The following COL6A1 variants were observed in gnomAD, a reference collection of about 807,000 sequenced individuals.
COL6A1 encodes the protein collagen type VI alpha 1 chain, also known as collagen alpha-1(VI) chain.
Under a neutral mutation model 145.6 loss-of-function variants are expected in COL6A1, and 80 were observed. The ratio of observed to expected loss-of-function variants is 0.55; its 90% CI spans 0.46 to 0.66. The LOEUF (loss-of-function observed/expected upper bound fraction) is 0.66. Ranked by LOEUF, COL6A1 falls within the 30% of genes least tolerant of loss-of-function variation. The pLI is 0.00. For missense variants in COL6A1, 1,364 were observed against 1,473.8 expected, an observed-to-expected ratio of 0.93 and a Z score of 1.22; for synonymous variants, 638 against 622.8, an observed-to-expected ratio of 1.02 and a Z score of -0.36.
rs768906709 is a variant in COL6A1 at position 46,001,259 on chromosome 21, A to C, written c.1829A>C (p.Lys610Thr). ...ACACCGCCCCCGCCTGCAGAATGCA[A>C]GTGCGGCCCCATCGACCTCCTGTTC... is the stretch of plus-strand genomic sequence containing the variant. Reference protein sequence around the residue: ...IMKMCSCCECKCGPIDLLFVL... With the variant: ...IMKMCSCCECTCGPIDLLFVL... Residue 610 changes from lysine to threonine, a missense_variant, in exon 30 of 35, where the codon AAG (lysine) becomes ACG (threonine). Lys to Thr is a moderately conservative substitution (Grantham distance 78). This residue lies in a region of COL6A1 where 938 missense variants were observed against 1,003.8 expected (regional missense o/e 0.93). Transcript: ENST00000361866. 1.2e-5 allele frequency: 19 copies of C among 1,607,978 alleles called. No individual in the cohort carries two copies. In the Admixed American group the frequency reaches 3.2e-4, roughly 27 times the overall value.
chr21:45,995,486 A>G (rs1314393910), intron 20 of COL6A1, among the ~76,000 whole-genome samples: 1 of 152,244 alleles, frequency 6.6e-6, no homozygotes. Flanking sequence ...GGTAGCTGAA[A>G]GTCTCAGTGG....
chr21:45,999,450 A>T, intron 26 of COL6A1: 1 of 748,882 alleles, frequency 1.3e-6, no homozygotes, highest in East Asian at 2.7e-5. Flanking sequence ...GGTGGGGCCC[A>T]CCTGGGATGG....
At chr21:46,000,025 ACCC>A (rs2077833700) in intron 27 of COL6A1, among the ~76,000 whole-genome samples, 2 of 30,950 alleles carry the variant, frequency 6.5e-5, no homozygotes, top group Admixed American at 3.6e-4. Context: ...ATCATGGGGG[ACCC>A]GTGTGAGGAT....
At position 45,987,250 on chromosome 21, in the gene COL6A1, C is replaced by T. The variant is rs1223069750; in HGVS notation, c.738+75C>T. 4.1e-5 allele frequency: 64 copies of T among 1,575,190 alleles called. No individual in the cohort carries two copies. In the South Asian group the frequency reaches 4.3e-4, roughly 11 times the overall value. On this transcript the variant is annotated intron_variant, in intron 6 of 34. Coordinates refer to ENST00000361866, the MANE Select transcript of COL6A1 (RefSeq NM_001848.3). ...CACACGTCCACCTGTGTGTTCAGGA[C>T]GCATGTCCCTATGCATATCCGCCCA... is the stretch of plus-strand genomic sequence containing the variant.
chr21:46,003,937 TC>T lies in COL6A1; in HGVS notation c.3013del (p.Arg1005ValfsTer44). On this transcript the variant is annotated frameshift_variant, in exon 35 of 35. Transcript: ENST00000361866. LOFTEE classifies it high-confidence loss of function. ...GTGGCCTACGGCGAGAGCCACCTGT[TC>T]CGTGTCCCCAGCTACCAGGCCCTGC... ...YDVAYGESHLFRVPSYQALLR... is the reference protein window; with the variant it reads ...YDVAYGESHLXRVPSYQALLR... 1 of 1,611,766 alleles carries T rather than the reference TC, an allele frequency of 6.2e-7. No homozygotes were observed. The highest frequency in any genetic ancestry group is 8.5e-7 in the Non-Finnish European group (1 of 1,179,162).
rs373948031 is a variant in COL6A1, at chr21:45,990,413, C to T, written c.993C>T (p.Asp331=). The part of the protein sequence containing the change: ...EKGKRGIDGV[D]GVKGEMGYPG... ...GCAAGCGTGGCATCGACGGGGTGGA[C>T]GGCGTGAAGGTGACTGGGGGGAGAT... Residue 331 remains aspartate, a synonymous_variant, in exon 13 of 35, where the codon GAC becomes GAT. Transcript: ENST00000361866. 5.9e-5 allele frequency: 63 copies of T among 1,074,032 alleles called. No homozygotes were observed. Among genetic ancestry groups the T allele is most frequent in the African/African-American group, 4.8e-4 (13 of 26,874 alleles). 66.5% of individuals were successfully genotyped at this position (1,074,032 alleles called of 1,614,324 possible).
chr21:45,984,731 CAA>C (rs1293572270), intron 3 of COL6A1, among the ~76,000 whole-genome samples: 36 of 144,490 alleles, frequency 2.5e-4, no homozygotes, highest in Middle Eastern at 8.7e-3. Flanking sequence ...GAGACAGAGA[CAA>C]AGAGTGACAG....
Position 46,002,034 on chromosome 21 carries a change from G to T in COL6A1, c.2030G>T (p.Arg677Leu), listed in dbSNP as rs373731596. Reference sequence around the variant, plus strand: ...CAGATGCAGGAGCACGTGAGCCTGCGCAGCCCCAGCATCCGGAACGTGCAG... The same window carrying T: ...CAGATGCAGGAGCACGTGAGCCTGCTCAGCCCCAGCATCCGGAACGTGCAG... ...HSQMQEHVSL[R>L]SPSIRNVQEL... The change falls in exon 31 of 35, where the codon CGC (arginine) becomes CTC (leucine). Residue 677 changes from arginine (R) to leucine (L), a missense_variant. Transcript: ENST00000361866. 6.2e-6 allele frequency: 10 copies of T among 1,612,388 alleles called. No individual in the cohort carries two copies. The highest frequency in any genetic ancestry group is 6.8e-6 in the Non-Finnish European group (8 of 1,179,810).
At chr21:45,996,604 C>T (rs1462038006) in intron 20 of COL6A1, among the ~76,000 whole-genome samples, 3 of 152,196 alleles carry the variant, frequency 2.0e-5, no homozygotes, top group African/African-American at 7.2e-5. Flanking sequence ...CAGGGACAGG[C>T]GTCCGACCAG....
At chr21:45,988,924 G>A (rs1220646775) in intron 8 of COL6A1, among the ~76,000 whole-genome samples, 160 bp from the exon 9 acceptor site, 4 of 152,182 alleles carry the variant, frequency 2.6e-5, no homozygotes, top group Non-Finnish European at 4.4e-5. Context: ...GTGCGGGTTG[G>A]AGCTCCCAGA....
chr21:45,994,146 T>A lies in COL6A1; in HGVS notation c.1336-21T>A. On this transcript the variant is annotated intron_variant, in intron 19 of 34. Transcript: ENST00000361866. The surrounding 1 kb of genome is among the most constrained non-coding windows in gnomAD (Gnocchi z 6.8). ...CCCCAAGGATGGCCCAGCTCCACACTCACGGCTCGTTTCTCTTCAGGGTGA... is the reference window on the plus strand; with the variant it reads ...CCCCAAGGATGGCCCAGCTCCACACACACGGCTCGTTTCTCTTCAGGGTGA... 3 of 1,587,916 alleles carry A rather than the reference T, an allele frequency of 1.9e-6. No individual in the cohort carries two copies. Among genetic ancestry groups the A allele is most frequent in the Non-Finnish European group, 2.6e-6 (3 of 1,168,048 alleles).
At chr21:45,982,168 G>A (rs1257369850) in intron 1 of COL6A1, among the ~76,000 whole-genome samples, 1 of 152,134 alleles carries the variant, frequency 6.6e-6, no homozygotes, top group African/African-American at 2.4e-5. Context: ...CAGCGGGGCC[G>A]GACCGCAGGC....
At chr21:45,983,596 G>A (rs1166537125) in intron 2 of COL6A1, among the ~76,000 whole-genome samples, 4 of 152,164 alleles carry the variant, frequency 2.6e-5, no homozygotes, top group East Asian at 3.9e-4. Flanking sequence ...GTGCCCAGCA[G>A]GAGCCATTGG....
Position 45,987,643 on chromosome 21 carries a change from C to T in COL6A1, c.793C>T (p.Pro265Ser). The T allele has an allele frequency of 6.2e-7, 1 of 1,610,170 alleles. No individual in the cohort carries two copies. The highest frequency in any genetic ancestry group is 8.5e-7 in the Non-Finnish European group (1 of 1,178,982). The change falls in exon 8 of 35, where the codon CCC becomes TCC. Residue 265 changes from proline to serine, a missense_variant. By Grantham distance (74) the Pro-to-Ser change is moderately conservative. This residue lies in a region of COL6A1 where 414 missense variants were observed against 437.6 expected (regional missense o/e 0.95). Transcript: ENST00000361866. The stretch of plus-strand genomic sequence containing the variant: ...AGGACCTCCGGGGCTCCGGGGCGAC[C>T]CCGGCTTTGAGGTGAGTGGTGACTC... The part of the protein sequence containing the change: ...ARGPPGLRGD[P>S]GFEGERGKPG...
Position 46,003,791 on chromosome 21 carries a change from C to T in COL6A1, c.2865C>T (p.Ile955=), listed in dbSNP as rs138062080. The change falls in exon 35 of 35, where the codon ATC becomes ATT. Residue 955 remains isoleucine (I), a synonymous_variant. Coordinates refer to ENST00000361866, the MANE Select transcript of COL6A1 (RefSeq NM_001848.3). ...GNSQGATPAA[I]EKAVQEAQRA... The stretch of plus-strand genomic sequence containing the variant: ...CGCAGGGCGCCACGCCCGCTGCCAT[C>T]GAGAAGGCCGTGCAGGAAGCCCAGC... The T allele has an allele frequency of 8.0e-4, 1,293 of 1,611,070 alleles. 7 individuals are homozygous for T. Among genetic ancestry groups the T allele is most frequent in the African/African-American group, 1.8e-3 (135 of 75,026 alleles).
intron 15 of COL6A1, 87 bp from the exon 16 acceptor site, chr21:45,991,923 G>C: frequency 7.5e-7 from 1 of 1,326,070 alleles, no homozygotes; most frequent in Non-Finnish European, 1.1e-6. Context: ...CTGAAGTATG[G>C]GTGAGAGGCC....
Position 46,003,744 on chromosome 21 carries a change from C to T in COL6A1, c.2818C>T (p.Leu940=). ...GTCCGGCGCTGCCAAGAAGAGGCTG[C>T]TGCTCTTCTCAGATGGCAACTCGCA... ...ASSGAAKKRL[L]LFSDGNSQGA... is the part of the protein sequence containing the mutation. The change falls in exon 35 of 35, where the codon CTG becomes TTG. Residue 940 remains leucine, a synonymous_variant. Transcript: ENST00000361866. 2 of 1,612,792 alleles carry T rather than the reference C, an allele frequency of 1.2e-6. No individual in the cohort carries two copies. Among genetic ancestry groups the T allele is most frequent in the Non-Finnish European group, 1.7e-6 (2 of 1,179,864 alleles).
intron 9 of COL6A1, 52 bp downstream of exon 9, chr21:45,989,189 G>A (rs758534998): frequency 1.5e-5 from 23 of 1,552,926 alleles, no homozygotes; most frequent in African/African-American, 2.8e-5. Context: ...GGCGGGGAAC[G>A]ACTAGGCCTC....
intron 1 of COL6A1, among the ~76,000 whole-genome samples, chr21:45,982,282 C>CA (rs964597972): frequency 1.6e-5 from 1 of 62,194 alleles, no homozygotes; most frequent in Non-Finnish European, 3.4e-5. Flanking sequence ...AGACGCACGG[C>CA]CCCCCCGACC....
Sources: allele counts gnomAD v4.1 joint callset (sites outside exome capture counted in the v4.1 genomes callset), GRCh38; gene constraint gnomAD v4.1.1; regional missense constraint gnomAD v4.1.1; non-coding constraint Gnocchi (gnomAD v3.1); transcripts MANE v1.5; gene names NCBI Gene and HGNC (gene_info 2026-07-23, HGNC 2026-07-21).